Variants in ASIC2 observed in about 807,000 individuals in gnomAD.
The protein encoded by ASIC2 is acid-sensing ion channel 2.
ASIC2 carries 25 observed loss-of-function variants against 57.3 expected under a neutral mutation model. The observed-to-expected ratio is 0.44, with a 90% CI of 0.32 to 0.61. The LOEUF is 0.61. Among genes scored for constraint, ASIC2 ranks in the 20% least tolerant of loss-of-function variants. ASIC2 has a pLI of 0.06. For missense variants in ASIC2, 641 were observed against 738.1 expected (o/e 0.87, Z 1.52); for synonymous variants, 319 against 307.5 (o/e 1.04, Z -0.39).
intron 1 of ASIC2, among the ~76,000 whole-genome samples, chr17:33,832,225 A>G (rs1174073215): frequency 6.6e-6 from 1 of 152,238 alleles, no homozygotes; most frequent in East Asian, 1.9e-4. Context: ...TAGATAGACT[A>G]GCAAAGTGGT....
At chr17:34,137,628 T>C (rs2142133712) in intron 1 of ASIC2, among the ~76,000 whole-genome samples, 1 of 152,324 alleles carries the variant, frequency 6.6e-6, no homozygotes, top group Admixed American at 6.5e-5. Flanking sequence ...TGTCTTAGTC[T>C]GTTCAGGCAG....
intron 1 of ASIC2, among the ~76,000 whole-genome samples, chr17:33,828,797 T>C (rs547315008): frequency 6.6e-6 from 1 of 152,332 alleles, no homozygotes; most frequent in East Asian, 1.9e-4. Context: ...AAAACAATTC[T>C]GAAAATTCTG....
At chr17:33,473,183 C>G (rs1343911044) in intron 1 of ASIC2, among the ~76,000 whole-genome samples, 1 of 152,208 alleles carries the variant, frequency 6.6e-6, no homozygotes, top group East Asian at 1.9e-4. Flanking sequence ...CAAGGAGGCC[C>G]TGGGGCAGGG....
In ASIC2 at chr17:34,038,998, T is replaced by C. The variant is rs1907997093; in HGVS notation, c.555+116980A>G. ...AGTAAAGTAGCCCAGTCTCAAGCGG[T>C]CTTGCATGCTCTTATCTCTACACGC... is the stretch of plus-strand genomic sequence containing the variant. On this transcript the variant is annotated intron_variant, in intron 1 of 9. Coordinates refer to the ASIC2 transcript ENST00000359872. 8.1e-6 allele frequency: 13 copies of C among 1,614,190 alleles called. No homozygotes were observed. The Middle Eastern group carries it at 4.9e-4, about 61-fold the overall frequency.
At chr17:33,072,152 C>T (rs1157682362) in intron 3 of ASIC2, among the ~76,000 whole-genome samples, 1 of 152,158 alleles carries the variant, frequency 6.6e-6, no homozygotes, top group Non-Finnish European at 1.5e-5. Context: ...AGTCACTGGG[C>T]TCAACCTGGG....
chr17:34,067,488 G>A (rs953891043), intron 1 of ASIC2, among the ~76,000 whole-genome samples: 1 of 152,148 alleles, frequency 6.6e-6, no homozygotes, highest in Non-Finnish European at 1.5e-5. Context: ...GAGACTGTTA[G>A]TGAGAACATG....
At chr17:33,659,158 G>A (rs149509784) in intron 1 of ASIC2, among the ~76,000 whole-genome samples, 1 of 152,306 alleles carries the variant, frequency 6.6e-6, no homozygotes, top group African/African-American at 2.4e-5. Context: ...CAGGAAGACT[G>A]TGGCTGGCCA....
chr17:33,826,160 T>A (rs1431029058), intron 1 of ASIC2, among the ~76,000 whole-genome samples: 1 of 152,260 alleles, frequency 6.6e-6, no homozygotes, highest in Non-Finnish European at 1.5e-5. Context: ...GTTGATTAGA[T>A]GGATACAATA....
rs952784725 is a variant in ASIC2, at chr17:33,479,671, A to G, written c.556-367604T>C. On this transcript the variant is annotated intron_variant, in intron 1 of 9. Coordinates refer to the ASIC2 transcript ENST00000359872. ...GCCATGCAGTCAAAGCCCTGGGCATAACCCGTGCTGGGGCTTGCTTGCCCA... is the reference window on the plus strand; with the variant it reads ...GCCATGCAGTCAAAGCCCTGGGCATGACCCGTGCTGGGGCTTGCTTGCCCA... Among the ~76,000 whole-genome samples, 3 of 152,186 alleles carry G rather than the reference A, an allele frequency of 2.0e-5. No homozygotes were observed. In the East Asian group the frequency reaches 5.8e-4, roughly 29 times the overall value.
chr17:33,385,899 A>G (rs1262093138), intron 1 of ASIC2, among the ~76,000 whole-genome samples: 1 of 152,208 alleles, frequency 6.6e-6, no homozygotes, highest in Non-Finnish European at 1.5e-5. Context: ...AAGATAGTGT[A>G]CTGTGAGCCA....
rs531641812 is a variant in ASIC2 at position 33,564,679 on chromosome 17, G to T, written c.556-452612C>A. ...TTGGGAGCAAGCCCCCCAAAATCTG[G>T]CCATAAACTGGCCCTAAAACCGGCC... On this transcript the variant is annotated intron_variant, in intron 1 of 9. Coordinates refer to the ASIC2 transcript ENST00000359872. Among the ~76,000 whole-genome samples, 5 of 152,316 alleles carry T rather than the reference G, an allele frequency of 3.3e-5. No homozygotes were observed. In the East Asian group the frequency reaches 5.8e-4, roughly 18 times the overall value.
intron 1 of ASIC2, among the ~76,000 whole-genome samples, chr17:33,390,808 G>T (rs772192248): frequency 7.2e-5 from 11 of 152,212 alleles, no homozygotes; most frequent in Admixed American, 3.3e-4. Context: ...ACAGAGACAG[G>T]CTCTTTGAGT....
chr17:34,117,855 C>T lies in ASIC2; in HGVS notation c.555+38123G>A, dbSNP rs548120197. 3.9e-5 allele frequency among the ~76,000 whole-genome samples: 6 copies of T among 152,212 alleles called. No individual in the cohort carries two copies. The East Asian group carries it at 1.2e-3, about 29-fold the overall frequency. On this transcript the variant is annotated intron_variant, in intron 1 of 9. Coordinates refer to the ASIC2 transcript ENST00000359872. ...AGAAAAGAGGAGGAGGAACAGATTCCAGGGGAGATTAGATAAATAACAGCA... is the reference window on the plus strand; with the variant it reads ...AGAAAAGAGGAGGAGGAACAGATTCTAGGGGAGATTAGATAAATAACAGCA...
At chr17:33,921,404 A>G (rs1915706278) in intron 1 of ASIC2, among the ~76,000 whole-genome samples, 1 of 152,234 alleles carries the variant, frequency 6.6e-6, no homozygotes, top group African/African-American at 2.4e-5. Flanking sequence ...CATTGTTTTT[A>G]GTAGTATTTC....
At chr17:33,872,220 C>T (rs889889845) in intron 1 of ASIC2, among the ~76,000 whole-genome samples, 13 of 152,088 alleles carry the variant, frequency 8.5e-5, no homozygotes, top group Non-Finnish European at 1.6e-4. Flanking sequence ...TGGAGCTGAG[C>T]CTGAAGCAAG....
At chr17:33,961,211 C>T (rs147349891) in intron 1 of ASIC2, among the ~76,000 whole-genome samples, 2 of 152,328 alleles carry the variant, frequency 1.3e-5, no homozygotes, top group Non-Finnish European at 2.9e-5. Flanking sequence ...TAAAGAGACA[C>T]CCAAGCCCAT....
chr17:33,237,891 T>G (rs1394973610), intron 1 of ASIC2, among the ~76,000 whole-genome samples: 1 of 152,148 alleles, frequency 6.6e-6, no homozygotes, highest in African/African-American at 2.4e-5. Context: ...TTGCTCCATC[T>G]CTCACTAACC....
rs924516140 is a variant in ASIC2, at chr17:34,086,189, T to G, written c.555+69789A>C. Among the ~76,000 whole-genome samples, 178 of 149,258 alleles carry G rather than the reference T, an allele frequency of 1.2e-3. 3 individuals carry two copies. The highest frequency in any genetic ancestry group is 3.8e-3 in the African/African-American group (157 of 40,794). The stretch of plus-strand genomic sequence containing the variant: ...TTGTGGGCATTTAGTGCTATAAATT[T>G]CCCTCTACACACTGCTTTGAATGTG... On this transcript the variant is annotated intron_variant, in intron 1 of 9. Coordinates refer to the ASIC2 transcript ENST00000359872.
chr17:33,115,969 A>G (rs2092279368), intron 1 of ASIC2, among the ~76,000 whole-genome samples: 2 of 152,170 alleles, frequency 1.3e-5, no homozygotes, highest in South Asian at 4.1e-4. Flanking sequence ...TCATGCTGAC[A>G]TCTTGCCCAG....
Sources: gnomAD v4.1 joint callset for allele counts (sites outside exome capture counted in the v4.1 genomes callset) on GRCh38, gnomAD v4.1.1 for gene constraint, MANE v1.5 for transcripts, NCBI Gene and HGNC (gene_info 2026-07-23, HGNC 2026-07-21) for gene names.